Variants in MTREX observed in about 807,000 individuals in gnomAD.
MTREX encodes Mtr4 exosome RNA helicase, also known as exosome RNA helicase MTR4.
In MTREX, 76 loss-of-function variants were observed where a neutral mutation model predicts 135.4. The observed-to-expected ratio is 0.56, with a 90% CI of 0.47 to 0.68. The LOEUF (loss-of-function observed/expected upper bound fraction) is 0.68, where lower values mean the gene tolerates loss of function less well. MTREX is among the 30% of genes least tolerant of loss of function. The probability of loss-of-function intolerance (pLI) is 0.00; values close to 1 mark genes in which losing one functional copy is unlikely to be tolerated. For missense variants in MTREX, 920 were observed against 1,262.1 expected (o/e 0.73, Z 4.11); for synonymous variants, 404 against 401.6 (o/e 1.01, Z -0.07).
In MTREX at chr5:55,308,035, G is replaced by A. The variant is rs767294636; in HGVS notation, c.22G>A (p.Glu8Lys). Residue 8 changes from glutamate (E) to lysine (K), a missense_variant, in exon 1 of 27, where the codon GAG (glutamate) becomes AAG (lysine). By Grantham distance (56) the Glu-to-Lys change is moderately conservative (BLOSUM62 1). Transcript: ENST00000230640. ...AAAAATGGCGGACGCATTCGGAGAT[G>A]AGCTGTTCAGCGTGTTCGAGGGCGA... MADAFGD[E>K]LFSVFEGDST... 6.2e-7 allele frequency: 1 copy of A among 1,614,170 alleles called. No individual in the cohort carries two copies. Among genetic ancestry groups the A allele is most frequent in the Non-Finnish European group, 8.5e-7 (1 of 1,180,034 alleles).
At chr5:55,414,648 G>C (rs1360829432) in intron 24 of MTREX, among the ~76,000 whole-genome samples, 2 of 151,860 alleles carry the variant, frequency 1.3e-5, no homozygotes, top group African/African-American at 4.8e-5. Context: ...AAGTTTGGTT[G>C]TTTTATTGTT....
intron 24 of MTREX, 69 bp from the exon 25 acceptor site, chr5:55,415,901 T>A: frequency 8.6e-7 from 1 of 1,161,090 alleles, no homozygotes; most frequent in Non-Finnish European, 1.2e-6. Flanking sequence ...AATACTGGCT[T>A]GGAAACCTAA....
intron 16 of MTREX, 73 bp downstream of exon 16, chr5:55,366,948 T>A: frequency 7.9e-7 from 1 of 1,260,768 alleles, no homozygotes; most frequent in Non-Finnish European, 1.1e-6. Flanking sequence ...CATTATTGGC[T>A]GCTTTGGCTT....
At chr5:55,350,478 G>A (rs1749808407) in intron 12 of MTREX, among the ~76,000 whole-genome samples, 1 of 152,208 alleles carries the variant, frequency 6.6e-6, no homozygotes, top group African/African-American at 2.4e-5. Context: ...AATGGCGTTT[G>A]ATAGATTGTT....
intron 19 of MTREX, among the ~76,000 whole-genome samples, chr5:55,390,007 G>A (rs964243193): frequency 2.0e-5 from 3 of 152,142 alleles, no homozygotes; most frequent in Non-Finnish European, 4.4e-5. Context: ...CATTGCATAA[G>A]GTAAGTAGGA....
intron 6 of MTREX, among the ~76,000 whole-genome samples, chr5:55,340,676 G>C (rs1749634003): frequency 6.6e-6 from 1 of 152,116 alleles, no homozygotes. Context: ...CCGCCTCCTG[G>C]GTTCACGCCA....
intron 17 of MTREX, 106 bp downstream of exon 17, chr5:55,378,592 C>A: frequency 8.1e-7 from 1 of 1,231,732 alleles, no homozygotes; most frequent in Non-Finnish European, 1.1e-6. Flanking sequence ...CTTCCTGCTA[C>A]AATAGTTGAT....
chr5:55,379,975 G>A (rs1012847633), intron 18 of MTREX, among the ~76,000 whole-genome samples: 7 of 151,774 alleles, frequency 4.6e-5, no homozygotes, highest in South Asian at 2.1e-4. Flanking sequence ...TCGCTCTGTC[G>A]CCCAGGCTGG....
intron 14 of MTREX, among the ~76,000 whole-genome samples, chr5:55,355,869 G>A (rs1749902711): frequency 6.6e-6 from 1 of 152,220 alleles, no homozygotes; most frequent in Admixed American, 6.5e-5. Flanking sequence ...GCTCTGTGGA[G>A]GAATGGGGGG....
intron 9 of MTREX, 140 bp from the exon 10 acceptor site, chr5:55,344,954 C>A: frequency 1.6e-6 from 1 of 611,774 alleles, no homozygotes; most frequent in Non-Finnish European, 2.9e-6. Flanking sequence ...TACCTCTTAC[C>A]ACAGATCATG....
intron 16 of MTREX, among the ~76,000 whole-genome samples, chr5:55,372,621 A>T (rs2112092295): frequency 6.6e-6 from 1 of 152,310 alleles, no homozygotes; most frequent in Non-Finnish European, 1.5e-5. Context: ...GTGAGTCCAG[A>T]AGTAAACCTG....
intron 15 of MTREX, 142 bp from the exon 16 acceptor site, chr5:55,366,583 T>C (rs143829459): frequency 7.2e-6 from 4 of 558,232 alleles, no homozygotes; most frequent in African/African-American, 5.8e-5. Context: ...TTTTATTTTA[T>C]ATTGGTTAAC....
intron 11 of MTREX, among the ~76,000 whole-genome samples, chr5:55,347,639 G>A (rs894044619): frequency 6.6e-6 from 1 of 152,214 alleles, no homozygotes; most frequent in African/African-American, 2.4e-5. Context: ...AATTGCAAAA[G>A]TAATTCACTT....
chr5:55,357,127 T>G (rs1362002362), intron 14 of MTREX: 2 of 155,682 alleles, frequency 1.3e-5, no homozygotes, highest in Non-Finnish European at 2.9e-5. Context: ...ACGCACCTGG[T>G]GCAGCACGCA....
intron 16 of MTREX, among the ~76,000 whole-genome samples, chr5:55,376,885 C>G (rs908271063): frequency 6.6e-6 from 1 of 151,986 alleles, no homozygotes; most frequent in Non-Finnish European, 1.5e-5. Flanking sequence ...GCCTGGCCAA[C>G]ATGGTGAAAC....
intron 14 of MTREX, chr5:55,356,662 G>A (rs146218862): frequency 1.3e-5 from 2 of 154,658 alleles, no homozygotes; most frequent in Non-Finnish European, 2.9e-5. Context: ...AGGCATGATT[G>A]TTGTCCCCAA....
At chr5:55,360,016 C>T (rs1214238776) in intron 15 of MTREX, among the ~76,000 whole-genome samples, 3 of 152,092 alleles carry the variant, frequency 2.0e-5, no homozygotes, top group African/African-American at 7.2e-5. Context: ...GTTTTGTCAC[C>T]ATCACCACAA....
chr5:55,342,051 G>A (rs1295658720), intron 7 of MTREX, among the ~76,000 whole-genome samples: 2 of 152,046 alleles, frequency 1.3e-5, no homozygotes, highest in African/African-American at 2.4e-5. Flanking sequence ...AACTACAGAC[G>A]TGTACCACCA....
intron 5 of MTREX, among the ~76,000 whole-genome samples, chr5:55,332,084 A>G (rs1749487945): frequency 6.6e-6 from 1 of 152,164 alleles, no homozygotes; most frequent in Admixed American, 6.5e-5. Context: ...TGCTACTCAA[A>G]GTATAGTCCT....
Sources: gnomAD v4.1 joint callset for allele counts (sites outside exome capture counted in the v4.1 genomes callset) on GRCh38, gnomAD v4.1.1 for gene constraint, MANE v1.5 for transcripts, NCBI Gene and HGNC (gene_info 2026-07-23, HGNC 2026-07-21) for gene names.